HECW1: variants seen among roughly 807,000 people sequenced by gnomAD.
HECW1 encodes the protein E3 ubiquitin-protein ligase HECW1.
In HECW1, 61 loss-of-function variants were observed where a neutral mutation model predicts 182.3. The observed-to-expected ratio is 0.33, with a 90% CI of 0.27 to 0.41. The LOEUF (loss-of-function observed/expected upper bound fraction) is 0.41. Ranked by LOEUF, HECW1 falls within the 10% of genes least tolerant of loss-of-function variation. The probability of loss-of-function intolerance (pLI) is 1.00; values close to 1 mark genes in which losing one functional copy is unlikely to be tolerated. For missense variants in HECW1, 1,739 were observed against 2,108.9 expected, an observed-to-expected ratio of 0.82 and a Z score of 3.44; for synonymous variants, 859 against 832.6, an observed-to-expected ratio of 1.03 and a Z score of -0.55.
chr7:43,327,491 G>A (rs1584491987), intron 5 of HECW1, among the ~76,000 whole-genome samples: 1 of 152,146 alleles, frequency 6.6e-6, no homozygotes, highest in East Asian at 1.9e-4. Context: ...AGAGTTCACA[G>A]TGATACTCCT....
At chr7:43,464,270 CCATGTGACAA>C (rs1405212075) in intron 14 of HECW1, among the ~76,000 whole-genome samples, 3 of 152,072 alleles carry the variant, frequency 2.0e-5, no homozygotes, top group African/African-American at 7.2e-5. Flanking sequence ...TGCAAAGGAG[CCATGTGACAA>C]CACTAGGAAT....
In HECW1 at chr7:43,444,390, G is replaced by C. The variant is rs766012123; in HGVS notation, c.1218G>C (p.Gly406=). 1 of 1,613,940 alleles carries C rather than the reference G, an allele frequency of 6.2e-7. No homozygotes were observed. The highest frequency in any genetic ancestry group is 1.3e-5 in the African/African-American group (1 of 74,898). The change falls in exon 11 of 30, where the codon GGG becomes GGC. Residue 406 remains glycine (G), a synonymous_variant. Transcript: ENST00000395891. This position sits in a 1 kb window ranked among gnomAD's most constrained non-coding sequence, Gnocchi z 4.3. ...LGEGSVPDGP[G]NQSIELSRPA... is the part of the protein sequence containing the mutation. ...AGGGCAGTGTCCCCGATGGTCCAGG[G>C]AACCAAAGCATAGAGCTTTCCAGAC...
chr7:43,426,363 A>T (rs971803880), intron 8 of HECW1, among the ~76,000 whole-genome samples: 2 of 152,216 alleles, frequency 1.3e-5, no homozygotes, highest in Non-Finnish European at 2.9e-5. Context: ...AAATAAAGTT[A>T]GTATAAAAGG....
At chr7:43,476,965 T>A (rs552456120) in intron 16 of HECW1, among the ~76,000 whole-genome samples, 2 of 152,264 alleles carry the variant, frequency 1.3e-5, no homozygotes, top group African/African-American at 4.8e-5. Flanking sequence ...TGAAAGCAGA[T>A]GTATAACTTA....
chr7:43,319,828 G>A (rs147164447), intron 4 of HECW1, among the ~76,000 whole-genome samples: 88 of 139,804 alleles, frequency 6.3e-4, no homozygotes, highest in African/African-American at 2.5e-3. Context: ...GGCCATGCTG[G>A]TCTCGAACTG....
In HECW1 at chr7:43,184,789, C is replaced by G. The variant is rs534698103; in HGVS notation, c.-31-59086C>G. On this transcript the variant is annotated intron_variant, in intron 2 of 29. Coordinates refer to ENST00000395891, the MANE Select transcript of HECW1 (RefSeq NM_015052.5). ...TTGGCTCATGGTTCTGCAGGCTGTT[C>G]AGGAAACACGATGCTGGCATCTGCT... Among the ~76,000 whole-genome samples, 8 of 152,222 alleles carry G rather than the reference C, an allele frequency of 5.3e-5. No homozygotes were observed. In the East Asian group the frequency reaches 1.4e-3, roughly 26 times the overall value.
At chr7:43,341,671 C>T (rs1389348065) in intron 5 of HECW1, among the ~76,000 whole-genome samples, 1 of 151,646 alleles carries the variant, frequency 6.6e-6, no homozygotes, top group African/African-American at 2.4e-5. Context: ...ACATTTATGA[C>T]TTTTCCAGTT....
chr7:43,426,841 A>G (rs945172616), intron 8 of HECW1, among the ~76,000 whole-genome samples: 5 of 152,040 alleles, frequency 3.3e-5, no homozygotes, highest in Non-Finnish European at 7.4e-5. Context: ...TCTGGAAAAT[A>G]TTCATTATAT....
At chr7:43,446,618 C>T (rs1040891285) in intron 11 of HECW1, among the ~76,000 whole-genome samples, 1 of 148,160 alleles carries the variant, frequency 6.7e-6, no homozygotes, top group African/African-American at 2.4e-5. Context: ...CCCCTGGTGC[C>T]TACAAATTTT....
chr7:43,294,537 A>T (rs1287118979), intron 3 of HECW1, among the ~76,000 whole-genome samples: 1 of 152,214 alleles, frequency 6.6e-6, no homozygotes, highest in Non-Finnish European at 1.5e-5. Context: ...GCAGTCAGAA[A>T]AAAGCAGATT....
intron 2 of HECW1, among the ~76,000 whole-genome samples, chr7:43,176,166 C>A (rs1792224977): frequency 6.6e-6 from 1 of 152,138 alleles, no homozygotes; most frequent in African/African-American, 2.4e-5. Flanking sequence ...AACATTTGTA[C>A]CCCTGGATTC....
intron 24 of HECW1, among the ~76,000 whole-genome samples, chr7:43,524,895 A>G (rs2080696641): frequency 6.6e-6 from 1 of 152,220 alleles, no homozygotes; most frequent in South Asian, 2.1e-4. Context: ...ATGAAATGCT[A>G]TTTACAAGTC....
At chr7:43,229,196 G>C (rs1325259470) in intron 2 of HECW1, among the ~76,000 whole-genome samples, 1 of 152,188 alleles carries the variant, frequency 6.6e-6, no homozygotes, top group Non-Finnish European at 1.5e-5. Flanking sequence ...TGAAGTCTTT[G>C]CAATCAGCTG....
At chr7:43,456,232 A>G (rs2077397891) in intron 12 of HECW1, 65 bp from the exon 13 acceptor site, 3 of 1,499,832 alleles carry the variant, frequency 2.0e-6, no homozygotes, top group Non-Finnish European at 1.8e-6. Context: ...TGGAAGTTGT[A>G]TGTGTTTCAC....
At chr7:43,551,595 G>A (rs570530138) in intron 27 of HECW1, among the ~76,000 whole-genome samples, 9 of 152,314 alleles carry the variant, frequency 5.9e-5, no homozygotes, top group African/African-American at 1.9e-4. Flanking sequence ...AAACTTCAAT[G>A]TGACTTAAGA....
In HECW1 at chr7:43,564,968, C is replaced by A. The variant is rs4724225; in HGVS notation, c.*3042C>A. On this transcript the variant is annotated 3_prime_UTR_variant, in exon 30 of 30. Transcript: ENST00000395891. ...TTTATAAGCCACAATCTCCCTAAAA[C>A]AATTGATTTTAGTAAGAGTGTAACG... 0.01 allele frequency: 1,907 copies of A among 185,652 alleles called. 85 individuals are homozygous for A. Among genetic ancestry groups the A allele is most frequent in the Admixed American group, 0.073 (1,170 of 16,066 alleles). 11.5% of individuals were successfully genotyped at this position (185,652 alleles called of 1,614,324 possible).
intron 2 of HECW1, among the ~76,000 whole-genome samples, chr7:43,242,305 G>A: frequency 6.6e-6 from 1 of 152,148 alleles, no homozygotes; most frequent in East Asian, 1.9e-4. Context: ...GGAGAGGGAG[G>A]TTTGGACCAC....
chr7:43,169,351 C>A (rs1465515205), intron 2 of HECW1, among the ~76,000 whole-genome samples: 1 of 152,182 alleles, frequency 6.6e-6, no homozygotes, highest in Non-Finnish European at 1.5e-5. Context: ...CAGGGTGTGA[C>A]ACAGCATCCT....
Position 43,239,510 on chromosome 7 carries a change from C to T in HECW1, c.-31-4365C>T, listed in dbSNP as rs554138318. On this transcript the variant is annotated intron_variant, in intron 2 of 29. Coordinates refer to ENST00000395891, the MANE Select transcript of HECW1 (RefSeq NM_015052.5). ...CCCTAGAGGGCAAAGATAGAAGAGG[C>T]GGGCCGTAAATTTCCTTGAGGGGTT... Among the ~76,000 whole-genome samples the T allele has an allele frequency of 1.5e-3, 225 of 152,200 alleles. No individual in the cohort carries two copies. The Middle Eastern group carries it at 0.031, about 21-fold the overall frequency.
Sources: allele counts gnomAD v4.1 joint callset (sites outside exome capture counted in the v4.1 genomes callset), GRCh38; gene constraint gnomAD v4.1.1; non-coding constraint Gnocchi (gnomAD v3.1); transcripts MANE v1.5; gene names NCBI Gene and HGNC (gene_info 2026-07-23, HGNC 2026-07-21).